NEBL: variants seen among roughly 807,000 people sequenced by gnomAD.
The protein encoded by NEBL is nebulette.
NEBL carries 122 observed loss-of-function variants against 140.2 expected under a neutral mutation model. That is an observed-to-expected ratio of 0.87 (90% CI 0.75 to 1.01). The LOEUF (loss-of-function observed/expected upper bound fraction) is 1.01. NEBL is among the 50% of genes least tolerant of loss of function. The pLI is 0.00. For missense variants in NEBL, 1,365 were observed against 1,231.3 expected, an observed-to-expected ratio of 1.11 and a Z score of -1.62; for synonymous variants, 436 against 398.9, an observed-to-expected ratio of 1.09 and a Z score of -1.11.
intron 5 of NEBL, among the ~76,000 whole-genome samples, chr10:20,875,426 A>C (rs1479875628): frequency 6.6e-6 from 1 of 152,194 alleles, no homozygotes; most frequent in East Asian, 1.9e-4. Context: ...TCTGGGTTAG[A>C]CATGGCCAAT....
intron 1 of NEBL, among the ~76,000 whole-genome samples, chr10:21,271,775 G>A (rs1053744817): frequency 3.3e-5 from 5 of 151,716 alleles, no homozygotes; most frequent in Non-Finnish European, 5.9e-5. Context: ...ATCCACCCGC[G>A]TCAGCCTCCC....
chr10:20,981,843 T>C (rs905713807), intron 3 of NEBL, among the ~76,000 whole-genome samples: 1 of 152,156 alleles, frequency 6.6e-6, no homozygotes, highest in Non-Finnish European at 1.5e-5. Flanking sequence ...ATAAACAGCC[T>C]ATGAGCCCCT....
intron 2 of NEBL, among the ~76,000 whole-genome samples, chr10:21,097,882 C>A (rs1245525564): frequency 6.6e-6 from 1 of 152,108 alleles, no homozygotes; most frequent in African/African-American, 2.4e-5. Flanking sequence ...TCTAGTAGCA[C>A]AAGGGCAGTC....
At chr10:20,933,005 G>C (rs748989346) in intron 4 of NEBL, among the ~76,000 whole-genome samples, 7 of 152,038 alleles carry the variant, frequency 4.6e-5, no homozygotes, top group Non-Finnish European at 4.4e-5. Context: ...GCATAAATTA[G>C]GTACATTAGA....
intron 4 of NEBL, among the ~76,000 whole-genome samples, chr10:20,910,601 G>A (rs543184267): frequency 1.3e-5 from 2 of 152,240 alleles, no homozygotes; most frequent in South Asian, 4.2e-4. Context: ...CACATTTGGG[G>A]TGGGCAGTGG....
At chr10:21,137,055 T>G (rs1589272022) in intron 2 of NEBL, among the ~76,000 whole-genome samples, 1 of 152,206 alleles carries the variant, frequency 6.6e-6, no homozygotes, top group East Asian at 1.9e-4. Context: ...TGTTAGAAAA[T>G]TCCTTATGCC....
At chr10:21,291,938 T>G (rs1843150316) in intron 1 of NEBL, among the ~76,000 whole-genome samples, 5 of 152,120 alleles carry the variant, frequency 3.3e-5, no homozygotes, top group Admixed American at 3.3e-4. Context: ...AGAAAAACCT[T>G]ATTTGTTTTA....
At position 20,889,861 on chromosome 10, in the gene NEBL, C is replaced by T. The variant is rs1442801795; in HGVS notation, c.242G>A (p.Gly81Asp). The change falls in exon 3 of 28, where the codon GGT becomes GAT. Residue 81 changes from glycine (G) to aspartate (D), a missense_variant. Transcript: ENST00000377122. ...SPMLNHVKNI[G>D]AFISEAKYKG... The stretch of plus-strand genomic sequence containing the variant: ...ATACCTTACCTCAGAAATAAAAGCA[C>T]CGATATTTTTTACATGGTTTAGCAT... The T allele has an allele frequency of 5.0e-6, 8 of 1,610,266 alleles. No individual in the cohort carries two copies. The highest frequency in any genetic ancestry group is 6.8e-6 in the Non-Finnish European group (8 of 1,176,694).
intron 2 of NEBL, among the ~76,000 whole-genome samples, chr10:21,108,587 T>C (rs1202057710): frequency 6.6e-6 from 1 of 152,160 alleles, no homozygotes; most frequent in Non-Finnish European, 1.5e-5. Flanking sequence ...TCCAATTATG[T>C]GGTCAATTTT....
At chr10:20,799,924 C>T (rs999462312) in intron 26 of NEBL, among the ~76,000 whole-genome samples, 9 of 149,506 alleles carry the variant, frequency 6.0e-5, no homozygotes, top group Non-Finnish European at 1.3e-4. Context: ...CCATCTGGCA[C>T]GTGTGTGTGT....
chr10:20,860,670 T>C (rs1045137408), intron 7 of NEBL, among the ~76,000 whole-genome samples: 6 of 151,896 alleles, frequency 4.0e-5, no homozygotes, highest in Non-Finnish European at 7.4e-5. Flanking sequence ...AAGTAAGCTG[T>C]TTTGTTCTCT....
intron 4 of NEBL, among the ~76,000 whole-genome samples, chr10:20,910,026 G>A (rs1033701768): frequency 1.3e-5 from 2 of 152,018 alleles, no homozygotes; most frequent in Non-Finnish European, 2.9e-5. Context: ...TTTACACTTA[G>A]GTAAAAATTT....
chr10:20,839,998 C>T (rs560351822), intron 13 of NEBL, among the ~76,000 whole-genome samples: 15 of 152,248 alleles, frequency 9.9e-5, no homozygotes, highest in Non-Finnish European at 1.9e-4. Flanking sequence ...ACTCAATCTT[C>T]GGATTTTCTA....
chr10:20,859,020 T>C (rs1843390550), intron 8 of NEBL, among the ~76,000 whole-genome samples: 1 of 152,140 alleles, frequency 6.6e-6, no homozygotes, highest in Non-Finnish European at 1.5e-5. Context: ...ATGTTCCATG[T>C]TCCTTTAAGT....
chr10:21,089,211 G>A (rs759861306), intron 2 of NEBL, among the ~76,000 whole-genome samples: 1 of 152,198 alleles, frequency 6.6e-6, no homozygotes, highest in East Asian at 1.9e-4. Flanking sequence ...CAGGAGGAAG[G>A]AAGGACAGGT....
chr10:20,883,030 A>G (rs1258289217), intron 4 of NEBL, among the ~76,000 whole-genome samples: 1 of 152,190 alleles, frequency 6.6e-6, no homozygotes, highest in Non-Finnish European at 1.5e-5. Flanking sequence ...GTATGGATTA[A>G]AGTGCTGCAC....
intron 3 of NEBL, among the ~76,000 whole-genome samples, chr10:20,973,613 C>G (rs1290807820): frequency 6.6e-6 from 1 of 152,310 alleles, no homozygotes. Context: ...CAAATCCTCC[C>G]TCCTTCTAGT....
At chr10:20,869,926 T>A in intron 5 of NEBL, 85 bp from the exon 6 acceptor site, 1 of 928,248 alleles carries the variant, frequency 1.1e-6, no homozygotes, top group Non-Finnish European at 1.8e-6. Context: ...ACATTATTTA[T>A]TCTCATAATA....
intron 4 of NEBL, among the ~76,000 whole-genome samples, chr10:20,927,595 T>C (rs1833974755): frequency 6.6e-6 from 1 of 152,228 alleles, no homozygotes; most frequent in African/African-American, 2.4e-5. Flanking sequence ...ATTTCAACTA[T>C]GAGTTAAAAA....
Sources: allele counts gnomAD v4.1 joint callset (sites outside exome capture counted in the v4.1 genomes callset), GRCh38; gene constraint gnomAD v4.1.1; transcripts MANE v1.5; gene names NCBI Gene and HGNC (gene_info 2026-07-23, HGNC 2026-07-21).